The following NACC2 variants were observed in gnomAD, a reference collection of about 807,000 sequenced individuals.
NACC2 encodes the protein nucleus accumbens-associated protein 2.
Under a neutral mutation model 25.1 loss-of-function variants are expected in NACC2, and 8 were observed. That is an observed-to-expected ratio of 0.32 (90% CI 0.19 to 0.57). The LOEUF (loss-of-function observed/expected upper bound fraction) is 0.57. Among genes scored for constraint, NACC2 ranks in the 20% least tolerant of loss-of-function variants. NACC2 has a pLI of 0.89. For missense variants in NACC2, 644 were observed against 650.2 expected, an observed-to-expected ratio of 0.99 and a Z score of 0.10; for synonymous variants, 435 against 294.7, an observed-to-expected ratio of 1.48 and a Z score of -4.88.
chr9:136,063,235 G>A (rs974792392), intron 1 of NACC2, among the ~76,000 whole-genome samples: 3 of 152,198 alleles, frequency 2.0e-5, no homozygotes, highest in Non-Finnish European at 4.4e-5. Flanking sequence ...GCTGGTCTCG[G>A]CCATGCTGTG....
Position 136,013,177 on chromosome 9 carries a change from C to A in NACC2, c.1255+22G>T. The stretch of plus-strand genomic sequence containing the variant: ...GAACCCAGCCCCGGCCCCACCCACC[C>A]GAGAGACCCCCAGGCTCTTACATTT... On this transcript the variant is annotated intron_variant, in intron 5 of 5. Coordinates refer to ENST00000277554, the MANE Select transcript of NACC2 (RefSeq NM_144653.5). This position sits in a 1 kb window ranked among gnomAD's most constrained non-coding sequence, Gnocchi z 6.6. The A allele has an allele frequency of 1.3e-6, 2 of 1,487,434 alleles. No homozygotes were observed. The highest frequency in any genetic ancestry group is 1.9e-6 in the Non-Finnish European group (2 of 1,071,836). 92.1% of individuals were successfully genotyped at this position (1,487,434 alleles called of 1,614,324 possible). A position where few individuals can be genotyped will look rare whatever the true frequency, so the allele number is the denominator to read the frequency against.
chr9:136,021,033 C>T (rs568667696), intron 2 of NACC2, among the ~76,000 whole-genome samples: 2 of 152,110 alleles, frequency 1.3e-5, no homozygotes, highest in South Asian at 2.1e-4. Context: ...AAATGATTGA[C>T]GAGCTAGAAT....
chr9:136,036,261 T>C (rs1204445611), intron 2 of NACC2, among the ~76,000 whole-genome samples: 1 of 152,212 alleles, frequency 6.6e-6, no homozygotes, highest in East Asian at 1.9e-4. Flanking sequence ...TGACTCATTA[T>C]TGAAATTCTA....
intron 1 of NACC2, among the ~76,000 whole-genome samples, chr9:136,051,572 C>T (rs1472403262): frequency 3.3e-5 from 5 of 151,886 alleles, no homozygotes; most frequent in Non-Finnish European, 7.4e-5. Flanking sequence ...ACAAAGGCCG[C>T]TGTGTCCCAC....
intron 1 of NACC2, among the ~76,000 whole-genome samples, chr9:136,073,997 CTATT>C (rs1830228365): frequency 6.6e-6 from 1 of 152,140 alleles, no homozygotes; most frequent in Non-Finnish European, 1.5e-5. Context: ...ATGTCCTTGA[CTATT>C]TTTTTAAAAA....
chr9:136,068,886 T>A (rs1841117710), intron 1 of NACC2, among the ~76,000 whole-genome samples: 1 of 149,784 alleles, frequency 6.7e-6, no homozygotes, highest in Admixed American at 6.6e-5. Flanking sequence ...ATGATCTAAA[T>A]ACACCCATTA....
chr9:136,085,492 G>A (rs1830369859), intron 1 of NACC2, among the ~76,000 whole-genome samples: 1 of 151,124 alleles, frequency 6.6e-6, no homozygotes, highest in Non-Finnish European at 1.5e-5. Context: ...GGGCGACAGA[G>A]CAAGACTCTC....
intron 1 of NACC2, among the ~76,000 whole-genome samples, chr9:136,091,363 G>A (rs1470157930): frequency 1.3e-5 from 2 of 152,192 alleles, no homozygotes; most frequent in African/African-American, 4.8e-5. Context: ...CCTGGGCTGG[G>A]CGTTCTCCCA....
chr9:136,079,138 G>A (rs749261928), intron 1 of NACC2, among the ~76,000 whole-genome samples: 4 of 151,478 alleles, frequency 2.6e-5, no homozygotes, highest in African/African-American at 7.3e-5. Context: ...TGTGCGTCCC[G>A]TCCTTAACAA....
chr9:136,042,716 A>G (rs1397936801), intron 2 of NACC2, among the ~76,000 whole-genome samples: 1 of 150,574 alleles, frequency 6.6e-6, no homozygotes, highest in African/African-American at 2.5e-5. Flanking sequence ...ACACAGAGAC[A>G]CACACACAGA....
rs543859801 is a variant in NACC2, at chr9:136,008,270, C to G, written c.*3246G>C. 1 of 152,302 alleles carries G rather than the reference C, an allele frequency of 6.6e-6. No homozygotes were observed. The highest frequency in any genetic ancestry group is 1.9e-4 in the East Asian group (1 of 5,174). 9.4% of individuals were successfully genotyped at this position (152,302 alleles called of 1,614,324 possible). A position where few individuals can be genotyped will look rare whatever the true frequency, so the allele number is the denominator to read the frequency against. ...ACAGTATCTGTCACACCTCCGGTCCCTCCTGGACCTCTCCATGCAACCCAG... is the reference window on the plus strand; with the variant it reads ...ACAGTATCTGTCACACCTCCGGTCCGTCCTGGACCTCTCCATGCAACCCAG... On this transcript the variant is annotated 3_prime_UTR_variant, in exon 6 of 6. Coordinates refer to ENST00000277554, the MANE Select transcript of NACC2 (RefSeq NM_144653.5).
At chr9:136,036,946 T>C (rs933133303) in intron 2 of NACC2, among the ~76,000 whole-genome samples, 61 of 152,188 alleles carry the variant, frequency 4.0e-4, no homozygotes, top group African/African-American at 1.5e-3. Context: ...AGGCATCTAA[T>C]AGTCAAATTA....
chr9:136,039,831 C>T (rs908471413), intron 2 of NACC2, among the ~76,000 whole-genome samples: 39 of 152,170 alleles, frequency 2.6e-4, no homozygotes, highest in Admixed American at 4.6e-4. Context: ...ATGTTCCCCC[C>T]GAGAGAGAGC....
Position 136,094,072 on chromosome 9 carries a change from A to G in NACC2, c.-60+1117T>C, listed in dbSNP as rs564919740. ...AACACCAAGGTGCACGCGCTCCCGGAGGCAGCTCCACGGGATGGGAGTCCG... is the reference window on the plus strand; with the variant it reads ...AACACCAAGGTGCACGCGCTCCCGGGGGCAGCTCCACGGGATGGGAGTCCG... On this transcript the variant is annotated intron_variant, in intron 1 of 5. Coordinates refer to ENST00000277554, the MANE Select transcript of NACC2 (RefSeq NM_144653.5). Among the ~76,000 whole-genome samples the G allele has an allele frequency of 3.3e-5, 5 of 152,278 alleles. No homozygotes were observed. In the South Asian group the frequency reaches 1.0e-3, roughly 32 times the overall value.
chr9:136,056,147 C>T (rs1840921854), intron 1 of NACC2, among the ~76,000 whole-genome samples: 1 of 152,138 alleles, frequency 6.6e-6, no homozygotes, highest in African/African-American at 2.4e-5. Context: ...TAGAGGCTGC[C>T]CAGCTCCGGA....
chr9:136,017,654 C>T (rs772293535), intron 2 of NACC2, among the ~76,000 whole-genome samples: 6 of 152,202 alleles, frequency 3.9e-5, no homozygotes, highest in Non-Finnish European at 7.4e-5. Flanking sequence ...CGGTGGACAC[C>T]AGTCCGGCAC....
intron 1 of NACC2, among the ~76,000 whole-genome samples, chr9:136,068,176 G>C (rs1178214887): frequency 1.3e-5 from 2 of 152,048 alleles, no homozygotes; most frequent in Non-Finnish European, 2.9e-5. Flanking sequence ...CGAACATTTA[G>C]GCTACACTAC....
chr9:136,077,898 G>A (rs1319997451), intron 1 of NACC2, among the ~76,000 whole-genome samples: 2 of 152,318 alleles, frequency 1.3e-5, no homozygotes, highest in African/African-American at 4.8e-5. Context: ...TGAAAACCAC[G>A]TAAATAATAT....
chr9:136,082,941 T>G (rs1383271395), intron 1 of NACC2, among the ~76,000 whole-genome samples: 1 of 152,192 alleles, frequency 6.6e-6, no homozygotes, highest in Non-Finnish European at 1.5e-5. Flanking sequence ...GCTGCCTGCC[T>G]CACTCCTGCC....
Sources: allele counts gnomAD v4.1 joint callset (sites outside exome capture counted in the v4.1 genomes callset), GRCh38; gene constraint gnomAD v4.1.1; non-coding constraint Gnocchi (gnomAD v3.1); transcripts MANE v1.5; gene names NCBI Gene and HGNC (gene_info 2026-07-23, HGNC 2026-07-21).